TBC1D9: variants seen among roughly 807,000 people sequenced by gnomAD.
TBC1D9 encodes TBC1 domain family member 9.
A neutral mutation model predicts 132.0 loss-of-function variants in TBC1D9; 63 were observed. The observed-to-expected ratio is 0.48, with a 90% CI of 0.39 to 0.59. The LOEUF is 0.59. TBC1D9 is among the 20% of genes least tolerant of loss of function. The probability of loss-of-function intolerance (pLI) is 0.00; values close to 1 mark genes in which losing one functional copy is unlikely to be tolerated. For missense variants in TBC1D9, 1,261 were observed against 1,592.7 expected (o/e 0.79, Z 3.54); for synonymous variants, 610 against 609.9 (o/e 1.00, Z 0.00).
intron 13 of TBC1D9, among the ~76,000 whole-genome samples, chr4:140,640,014 T>C (rs1736959279): frequency 6.6e-6 from 1 of 152,176 alleles, no homozygotes; most frequent in South Asian, 2.1e-4. Context: ...TTTATATATC[T>C]TAGGGATGCA....
intron 17 of TBC1D9, 29 bp downstream of exon 17, chr4:140,628,271 A>G: frequency 6.2e-7 from 1 of 1,611,970 alleles, no homozygotes; most frequent in Non-Finnish European, 8.5e-7. Flanking sequence ...GGTTACAGAC[A>G]CAAGTACTGC....
At chr4:140,650,983 A>G (rs1737180045) in intron 13 of TBC1D9, among the ~76,000 whole-genome samples, 1 of 152,220 alleles carries the variant, frequency 6.6e-6, no homozygotes, top group Non-Finnish European at 1.5e-5. Flanking sequence ...TTTCACATAA[A>G]TTTTATAAAA....
rs1431000291 is a variant in TBC1D9, at chr4:140,668,991, G to T, written c.1514C>A (p.Thr505Lys). ...EYGQGICMYR[T>K]EKTRELVLKG... ...CAACACCAGCTCCCGCGTTTTCTCT[G>T]TGCGGTACATGCAGATCCCTTGCCC... Residue 505 changes from threonine (T) to lysine (K), a missense_variant, in exon 9 of 21, where the codon ACA becomes AAA. By Grantham distance (78) the Thr-to-Lys change is moderately conservative. Around this residue, in one of 3 missense-constraint regions of TBC1D9, gnomAD observed 550 missense variants for 699.0 expected, o/e 0.79. Coordinates refer to ENST00000442267, the MANE Select transcript of TBC1D9 (RefSeq NM_015130.3). 1 of 1,613,970 alleles carries T rather than the reference G, an allele frequency of 6.2e-7. No individual in the cohort carries two copies.
chr4:140,729,117 C>T (rs72720321), intron 1 of TBC1D9, among the ~76,000 whole-genome samples: 6,909 of 152,240 alleles, frequency 0.045, 214 homozygotes, highest in South Asian at 0.096. Flanking sequence ...CTCTGTCATG[C>T]AGTCCTCATT....
chr4:140,706,677 G>C lies in TBC1D9; in HGVS notation c.131-5063C>G, dbSNP rs1738155543. ...ATTGTTTTGTATTCTTCCTATCCAGGTCCTTATACTTTTACTGAGCCATGT... is the reference window on the plus strand; with the variant it reads ...ATTGTTTTGTATTCTTCCTATCCAGCTCCTTATACTTTTACTGAGCCATGT... On this transcript the variant is annotated intron_variant, in intron 1 of 20. Transcript: ENST00000442267. This position sits in a 1 kb window ranked among gnomAD's most constrained non-coding sequence, Gnocchi z 4.0. Among the ~76,000 whole-genome samples the C allele has an allele frequency of 6.6e-6, 1 of 151,260 alleles. No homozygotes were observed. Among genetic ancestry groups the C allele is most frequent in the African/African-American group, 2.4e-5 (1 of 41,064 alleles).
chr4:140,664,968 G>A (rs897216820), intron 9 of TBC1D9, among the ~76,000 whole-genome samples: 3 of 152,052 alleles, frequency 2.0e-5, no homozygotes, highest in South Asian at 2.1e-4. Flanking sequence ...TTAGCCAGGC[G>A]TGGTGGTGCA....
intron 2 of TBC1D9, 82 bp from the exon 3 acceptor site, chr4:140,686,544 C>T (rs1737784742): frequency 2.3e-6 from 2 of 872,108 alleles, no homozygotes; most frequent in Non-Finnish European, 3.7e-6. Flanking sequence ...TCATTATAGT[C>T]TATACCATCA....
chr4:140,744,879 T>TAA (rs34469042), intron 1 of TBC1D9, among the ~76,000 whole-genome samples: 12 of 107,492 alleles, frequency 1.1e-4, no homozygotes, highest in African/African-American at 1.8e-4. Flanking sequence ...CAAGAGTGTT[T>TAA]AAAAAAAAAA....
In TBC1D9 at chr4:140,679,046, G is replaced by C; in HGVS notation, c.747C>G (p.Ala249=). ...NETFKLMEQL[A]NIAMRQLLDN... is the part of the protein sequence containing the mutation. Reference sequence around the variant, plus strand: ...CTAAGAGTTGCCTCATGGCTATGTTGGCAAGCTGCTCCATTAACTTGAAGG... The same window carrying C: ...CTAAGAGTTGCCTCATGGCTATGTTCGCAAGCTGCTCCATTAACTTGAAGG... Residue 249 remains alanine (A), a synonymous_variant, in exon 5 of 21, where the codon GCC becomes GCG. Coordinates refer to ENST00000442267, the MANE Select transcript of TBC1D9 (RefSeq NM_015130.3). 6.2e-7 allele frequency: 1 copy of C among 1,613,878 alleles called. No individual in the cohort carries two copies. Among genetic ancestry groups the C allele is most frequent in the Non-Finnish European group, 8.5e-7 (1 of 1,179,836 alleles).
At chr4:140,669,090 A>G (rs771767620) in intron 8 of TBC1D9, 23 bp from the exon 9 acceptor site, 2 of 1,613,170 alleles carry the variant, frequency 1.2e-6, no homozygotes, top group Middle Eastern at 1.6e-4. Flanking sequence ...ATGAAACATT[A>G]TGACATCCAA....
At chr4:140,713,381 T>C (rs1738280613) in intron 1 of TBC1D9, among the ~76,000 whole-genome samples, 1 of 152,204 alleles carries the variant, frequency 6.6e-6, no homozygotes, top group Admixed American at 6.5e-5. Flanking sequence ...CATATTAAAC[T>C]TAATAATGGT....
At chr4:140,738,009 G>A (rs944552442) in intron 1 of TBC1D9, among the ~76,000 whole-genome samples, 4 of 152,176 alleles carry the variant, frequency 2.6e-5, no homozygotes, top group Admixed American at 1.3e-4. Flanking sequence ...GGGAGCCAAC[G>A]TTGTAATGAT....
intron 11 of TBC1D9, 74 bp downstream of exon 11, chr4:140,659,514 T>C: frequency 9.5e-7 from 1 of 1,054,378 alleles, no homozygotes; most frequent in Non-Finnish European, 1.4e-6. Flanking sequence ...AGAAATAGTG[T>C]TCTGGCTGGC....
At chr4:140,643,164 C>T in intron 13 of TBC1D9, 1 of 1,441,484 alleles carries the variant, frequency 6.9e-7, no homozygotes, top group South Asian at 1.2e-5. Flanking sequence ...CATGTGGCTG[C>T]CGGCTGCCAG....
chr4:140,727,318 G>A (rs1339580041), intron 1 of TBC1D9, among the ~76,000 whole-genome samples: 1 of 152,156 alleles, frequency 6.6e-6, no homozygotes, highest in African/African-American at 2.4e-5. Context: ...CTGACTACCT[G>A]GCTCTCTCCT....
At chr4:140,684,033 T>C (rs1403724427) in intron 3 of TBC1D9, among the ~76,000 whole-genome samples, 1 of 152,168 alleles carries the variant, frequency 6.6e-6, no homozygotes, top group Non-Finnish European at 1.5e-5. Flanking sequence ...AACAATATTG[T>C]AGATACTGGT....
chr4:140,637,434 T>G (rs1344575318), intron 15 of TBC1D9, among the ~76,000 whole-genome samples: 1 of 152,158 alleles, frequency 6.6e-6, no homozygotes, highest in African/African-American at 2.4e-5. Flanking sequence ...CCTCCTTCTT[T>G]TGCTTTCCCC....
chr4:140,747,869 C>A (rs1048953524), intron 1 of TBC1D9, among the ~76,000 whole-genome samples: 2 of 152,180 alleles, frequency 1.3e-5, no homozygotes, highest in African/African-American at 4.8e-5. Flanking sequence ...CAAATCCACT[C>A]AAGTTAGAGC....
intron 1 of TBC1D9, among the ~76,000 whole-genome samples, chr4:140,732,106 G>C (rs1219838223): frequency 6.6e-6 from 1 of 152,152 alleles, no homozygotes; most frequent in Non-Finnish European, 1.5e-5. Context: ...TTAACCATAA[G>C]TCTATGCTCA....
Sources: gnomAD v4.1 joint callset for allele counts (sites outside exome capture counted in the v4.1 genomes callset) on GRCh38, gnomAD v4.1.1 for gene constraint, gnomAD v4.1.1 regional missense constraint, Gnocchi (gnomAD v3.1) non-coding constraint, MANE v1.5 for transcripts, NCBI Gene and HGNC (gene_info 2026-07-23, HGNC 2026-07-21) for gene names.